Variants in ZBTB20 observed in about 807,000 individuals in gnomAD.
ZBTB20 encodes the protein zinc finger and BTB domain containing 20.
ZBTB20 carries 9 observed loss-of-function variants against 56.9 expected under a neutral mutation model. That is an observed-to-expected ratio of 0.16 (90% CI 0.10 to 0.28). The LOEUF is 0.28. Among genes scored for constraint, ZBTB20 ranks in the 10% least tolerant of loss-of-function variants. ZBTB20 has a pLI of 1.00. For synonymous variants in ZBTB20, 417 were observed against 420.7 expected (o/e 0.99, Z 0.11); for missense variants, 655 against 1,003.0 (o/e 0.65, Z 4.69).
chr3:114,891,109 T>C (rs1324077858), intron 4 of ZBTB20, among the ~76,000 whole-genome samples: 1 of 152,216 alleles, frequency 6.6e-6, no homozygotes, highest in Non-Finnish European at 1.5e-5. Context: ...TCCTATTACA[T>C]GAAACTTCCA....
chr3:114,816,567 A>G (rs1317557300), intron 4 of ZBTB20, among the ~76,000 whole-genome samples: 1 of 152,212 alleles, frequency 6.6e-6, no homozygotes, highest in Non-Finnish European at 1.5e-5. Flanking sequence ...AAACCTTAGA[A>G]TATATGCCAA....
intron 6 of ZBTB20, among the ~76,000 whole-genome samples, chr3:114,512,609 T>C (rs1028630224): frequency 6.6e-6 from 1 of 152,192 alleles, no homozygotes; most frequent in Non-Finnish European, 1.5e-5. Flanking sequence ...TTGTGAGCTA[T>C]ACTATCAACA....
At chr3:114,765,215 A>C (rs2068706211) in intron 5 of ZBTB20, among the ~76,000 whole-genome samples, 1 of 152,156 alleles carries the variant, frequency 6.6e-6, no homozygotes, top group Non-Finnish European at 1.5e-5. Context: ...TATGGGTTTA[A>C]TTGTGCCCTC....
chr3:114,787,366 T>TATATATATATATAC (rs1278656494), intron 5 of ZBTB20, among the ~76,000 whole-genome samples: 12 of 82,908 alleles, frequency 1.4e-4, no homozygotes, highest in African/African-American at 5.8e-4. Flanking sequence ...TATATATATA[T>TATATATATATATAC]ATACACACAC....
chr3:114,781,025 A>T (rs2070056235), intron 5 of ZBTB20, among the ~76,000 whole-genome samples: 1 of 152,234 alleles, frequency 6.6e-6, no homozygotes, highest in Non-Finnish European at 1.5e-5. Flanking sequence ...TTATTCTATA[A>T]AGAAAAAACA....
chr3:114,690,610 A>G (rs921507628), intron 6 of ZBTB20, among the ~76,000 whole-genome samples: 1 of 152,218 alleles, frequency 6.6e-6, no homozygotes, highest in Non-Finnish European at 1.5e-5. Flanking sequence ...AACTAGAGCA[A>G]TAATACAAGC....
intron 7 of ZBTB20, among the ~76,000 whole-genome samples, chr3:114,453,921 T>TCC (rs71616313): frequency 9.2e-4 from 74 of 80,332 alleles, no homozygotes; most frequent in African/African-American, 2.2e-3. Context: ...TTAAGCTCAC[T>TCC]CCCCCCCCCC....
intron 2 of ZBTB20, among the ~76,000 whole-genome samples, chr3:115,006,794 T>C (rs1380645160): frequency 6.6e-6 from 1 of 151,810 alleles, no homozygotes; most frequent in Admixed American, 6.6e-5. Context: ...TCTTAGTGTT[T>C]TAATAGCCTA....
chr3:114,345,272 T>G (rs1178092125), intron 11 of ZBTB20, among the ~76,000 whole-genome samples: 1 of 152,198 alleles, frequency 6.6e-6, no homozygotes, highest in African/African-American at 2.4e-5. Context: ...GTGTGTGAAA[T>G]GTATGTCTCT....
At chr3:114,850,637 A>C (rs1407522451) in intron 4 of ZBTB20, among the ~76,000 whole-genome samples, 1 of 152,246 alleles carries the variant, frequency 6.6e-6, no homozygotes, top group Non-Finnish European at 1.5e-5. Context: ...AAGGGGCTAA[A>C]ATTTGAACTA....
At chr3:114,610,603 C>CA (rs2079914267) in intron 6 of ZBTB20, among the ~76,000 whole-genome samples, 1 of 152,148 alleles carries the variant, frequency 6.6e-6, no homozygotes, top group African/African-American at 2.4e-5. Flanking sequence ...GAGAGGTTGG[C>CA]ATTTAAGAGG....
intron 6 of ZBTB20, among the ~76,000 whole-genome samples, chr3:114,661,177 A>C (rs1304377383): frequency 6.6e-6 from 1 of 152,012 alleles, no homozygotes; most frequent in African/African-American, 2.4e-5. Context: ...CCTTTGATCT[A>C]CCTCAACATT....
At chr3:114,375,452 A>G (rs1576451002) in intron 10 of ZBTB20, among the ~76,000 whole-genome samples, 1 of 152,216 alleles carries the variant, frequency 6.6e-6, no homozygotes, top group Admixed American at 6.5e-5. Flanking sequence ...CTGATTCCCT[A>G]TAACTTTTAC....
intron 2 of ZBTB20, among the ~76,000 whole-genome samples, chr3:115,068,557 T>C (rs544977783): frequency 4.9e-4 from 74 of 152,236 alleles, no homozygotes; most frequent in Non-Finnish European, 5.4e-4. Context: ...AGGAATGAAC[T>C]GTGGAAATTC....
chr3:115,128,890 G>C (rs1002558830), intron 1 of ZBTB20, among the ~76,000 whole-genome samples: 1 of 152,098 alleles, frequency 6.6e-6, no homozygotes, highest in African/African-American at 2.4e-5. Flanking sequence ...ACGAGGTCAG[G>C]AGATCGAGAC....
intron 1 of ZBTB20, among the ~76,000 whole-genome samples, chr3:115,084,202 G>C (rs1022394828): frequency 6.7e-6 from 1 of 149,324 alleles, no homozygotes; most frequent in South Asian, 2.1e-4. Context: ...ACTTTGTATA[G>C]GTAAGTAGCA....
intron 7 of ZBTB20, among the ~76,000 whole-genome samples, chr3:114,393,793 T>C (rs2086097393): frequency 6.6e-6 from 1 of 152,202 alleles, no homozygotes; most frequent in Non-Finnish European, 1.5e-5. Context: ...ACATCATCAC[T>C]GTAATAAAGA....
At chr3:114,869,863 T>C (rs2075918729) in intron 4 of ZBTB20, among the ~76,000 whole-genome samples, 1 of 152,182 alleles carries the variant, frequency 6.6e-6, no homozygotes, top group Non-Finnish European at 1.5e-5. Context: ...GAAGTATGCA[T>C]TCCTTTTTTA....
At chr3:114,465,083 A>G (rs1018596055) in intron 7 of ZBTB20, among the ~76,000 whole-genome samples, 6 of 152,142 alleles carry the variant, frequency 3.9e-5, no homozygotes, top group African/African-American at 1.4e-4. Context: ...CTTAAAAAAA[A>G]AAAAGCCAGT....
Sources: gnomAD v4.1 joint callset for allele counts (sites outside exome capture counted in the v4.1 genomes callset) on GRCh38, gnomAD v4.1.1 for gene constraint, MANE v1.5 for transcripts, NCBI Gene and HGNC (gene_info 2026-07-23, HGNC 2026-07-21) for gene names.